The following RBFOX1 variants were observed in gnomAD, a reference collection of about 807,000 sequenced individuals.
RBFOX1 encodes RNA binding fox-1 homolog 1.
RBFOX1 carries 8 observed loss-of-function variants against 57.7 expected under a neutral mutation model. The ratio of observed to expected loss-of-function variants is 0.14; its 90% CI spans 0.08 to 0.25. RBFOX1 has a LOEUF of 0.25. Ranked by LOEUF, RBFOX1 falls within the 10% of genes least tolerant of loss-of-function variation. The probability of loss-of-function intolerance (pLI) is 1.00; values close to 1 mark genes in which losing one functional copy is unlikely to be tolerated. For synonymous variants in RBFOX1, 326 were observed against 222.4 expected, an observed-to-expected ratio of 1.47 and a Z score of -4.15; for missense variants, 611 against 548.5, an observed-to-expected ratio of 1.11 and a Z score of -1.14.
intron 1 of RBFOX1, among the ~76,000 whole-genome samples, chr16:6,104,954 C>T (rs1194017920): frequency 6.6e-6 from 1 of 152,150 alleles, no homozygotes; most frequent in East Asian, 1.9e-4. Flanking sequence ...TTTCTAGGAG[C>T]CTGAACTACT....
intron 4 of RBFOX1, among the ~76,000 whole-genome samples, chr16:7,479,922 G>T (rs984076470): frequency 6.6e-6 from 1 of 152,136 alleles, no homozygotes; most frequent in Non-Finnish European, 1.5e-5. Flanking sequence ...CCCAATTTGT[G>T]TCAGCAACCG....
At chr16:7,630,019 C>G (rs781691776) in intron 10 of RBFOX1, among the ~76,000 whole-genome samples, 4 of 152,144 alleles carry the variant, frequency 2.6e-5, no homozygotes, top group Non-Finnish European at 5.9e-5. Flanking sequence ...AGAACTGATT[C>G]GGAAAGACTG....
intron 2 of RBFOX1, among the ~76,000 whole-genome samples, chr16:6,544,403 C>T (rs1050403292): frequency 6.6e-6 from 1 of 152,208 alleles, no homozygotes; most frequent in Non-Finnish European, 1.5e-5. Flanking sequence ...ACATTTCCAC[C>T]TAAATTAGTT....
chr16:5,347,884 A>C (rs1596603705), intron 1 of RBFOX1, among the ~76,000 whole-genome samples: 5 of 115,818 alleles, frequency 4.3e-5, no homozygotes, highest in African/African-American at 6.8e-5. Flanking sequence ...GCACTCACCC[A>C]CCCATTCATC....
intron 3 of RBFOX1, among the ~76,000 whole-genome samples, chr16:6,685,744 G>T (rs1214297489): frequency 6.6e-6 from 1 of 152,092 alleles, no homozygotes; most frequent in Non-Finnish European, 1.5e-5. Context: ...TAACAATTTG[G>T]TGTCTGCCCC....
At chr16:6,483,327 C>T in intron 2 of RBFOX1, 3 of 1,467,236 alleles carry the variant, frequency 2.0e-6, no homozygotes, top group Non-Finnish European at 2.7e-6. Context: ...GGGCGTTCTG[C>T]ACCTGCTGGC....
At chr16:6,472,630 C>CT (rs370784090) in intron 2 of RBFOX1, among the ~76,000 whole-genome samples, 1,979 of 145,052 alleles carry the variant, frequency 0.014, 27 homozygotes, top group Admixed American at 0.027. Flanking sequence ...TTCTTTCTTT[C>CT]TTTTTTTTTT....
At chr16:5,968,698 T>C (rs1244160469) in intron 4 of RBFOX1, among the ~76,000 whole-genome samples, 2 of 152,154 alleles carry the variant, frequency 1.3e-5, no homozygotes, top group African/African-American at 4.8e-5. Flanking sequence ...TATTTGCAGG[T>C]ATACTGTTTG....
chr16:5,597,629 A>G (rs1450756519), intron 2 of RBFOX1, among the ~76,000 whole-genome samples: 4 of 151,808 alleles, frequency 2.6e-5, no homozygotes, highest in Admixed American at 1.3e-4. Flanking sequence ...GGAGCTCCTG[A>G]CCTCAGGTGA....
chr16:7,659,347 T>G (rs1469706449), intron 12 of RBFOX1, among the ~76,000 whole-genome samples: 1 of 152,232 alleles, frequency 6.6e-6, no homozygotes, highest in Admixed American at 6.5e-5. Flanking sequence ...TATCTTTCTG[T>G]GTACAGATCA....
chr16:5,517,214 G>A (rs778637669), intron 2 of RBFOX1, among the ~76,000 whole-genome samples: 1 of 152,158 alleles, frequency 6.6e-6, no homozygotes, highest in Non-Finnish European at 1.5e-5. Context: ...GGAGATTGGT[G>A]TATCTCACAG....
At chr16:5,566,687 T>C (rs1011258212) in intron 2 of RBFOX1, among the ~76,000 whole-genome samples, 2 of 151,700 alleles carry the variant, frequency 1.3e-5, no homozygotes, top group Non-Finnish European at 2.9e-5. Context: ...TATGTGTATA[T>C]ATATATACAC....
At position 5,323,185 on chromosome 16, in the gene RBFOX1, G is replaced by C. The variant is rs534799725; in HGVS notation, c.219+83080G>C. ...AAAGTGCTGTATGCGTACATATTAA[G>C]AGAAATGCATTTCTTGCCGACTCAG... On this transcript the variant is annotated intron_variant, in intron 1 of 2. Transcript: ENST00000585867. 7.9e-5 allele frequency among the ~76,000 whole-genome samples: 12 copies of C among 152,344 alleles called. 1 individual carries two copies. In the East Asian group the frequency reaches 2.1e-3, roughly 27 times the overall value.
intron 1 of RBFOX1, among the ~76,000 whole-genome samples, chr16:6,114,132 A>G (rs974136729): frequency 6.6e-6 from 1 of 152,182 alleles, no homozygotes; most frequent in Non-Finnish European, 1.5e-5. Flanking sequence ...CACAAAGAAA[A>G]AAGTTTTGTG....
intron 3 of RBFOX1, among the ~76,000 whole-genome samples, chr16:6,951,811 G>A (rs1430254066): frequency 6.6e-6 from 1 of 152,078 alleles, no homozygotes; most frequent in African/African-American, 2.4e-5. Flanking sequence ...CAGGCTCACT[G>A]CAACCTCCGC....
intron 2 of RBFOX1, among the ~76,000 whole-genome samples, chr16:6,651,092 G>C (rs776367747): frequency 6.6e-6 from 1 of 152,142 alleles, no homozygotes. Flanking sequence ...AGTGGAGATG[G>C]AGTTTCACCA....
intron 4 of RBFOX1, among the ~76,000 whole-genome samples, chr16:7,073,135 A>C (rs889457599): frequency 6.6e-6 from 1 of 152,214 alleles, no homozygotes; most frequent in Non-Finnish European, 1.5e-5. Context: ...ATCTTAGGGC[A>C]AGGGTCAGCA....
chr16:6,881,542 T>A (rs2062934542), intron 3 of RBFOX1, among the ~76,000 whole-genome samples: 1 of 152,142 alleles, frequency 6.6e-6, no homozygotes. Flanking sequence ...CATGTCTGTG[T>A]CCAAACATGC....
At chr16:6,711,568 C>G (rs1603450486) in intron 3 of RBFOX1, among the ~76,000 whole-genome samples, 1 of 152,226 alleles carries the variant, frequency 6.6e-6, no homozygotes, top group Non-Finnish European at 1.5e-5. Flanking sequence ...CCCTCACTCT[C>G]TGTCTCTCCT....
Sources: allele counts gnomAD v4.1 joint callset (sites outside exome capture counted in the v4.1 genomes callset), GRCh38; gene constraint gnomAD v4.1.1; transcripts MANE v1.5; gene names NCBI Gene and HGNC (gene_info 2026-07-23, HGNC 2026-07-21).